Variants in NT5DC3 observed in about 807,000 individuals in gnomAD.
NT5DC3 encodes 5'-nucleotidase domain-containing protein 3.
Under a neutral mutation model 67.8 loss-of-function variants are expected in NT5DC3, and 42 were observed. The ratio of observed to expected loss-of-function variants is 0.62; its 90% CI spans 0.48 to 0.80. The LOEUF is 0.80. Among genes scored for constraint, NT5DC3 ranks in the 30% least tolerant of loss-of-function variants. The pLI, the probability that NT5DC3 is intolerant of heterozygous loss-of-function variation, is 0.00. For missense variants in NT5DC3, 570 were observed against 696.4 expected (o/e 0.82, Z 2.04); for synonymous variants, 237 against 255.6 (o/e 0.93, Z 0.69).
At chr12:103,838,449 T>C (rs748652811) in intron 1 of NT5DC3, among the ~76,000 whole-genome samples, 1 of 152,206 alleles carries the variant, frequency 6.6e-6, no homozygotes, top group Non-Finnish European at 1.5e-5. Flanking sequence ...CAAGCCTATT[T>C]TGACCTCCCA....
At chr12:103,818,795 G>C (rs953362515) in intron 1 of NT5DC3, among the ~76,000 whole-genome samples, 1 of 152,196 alleles carries the variant, frequency 6.6e-6, no homozygotes, top group African/African-American at 2.4e-5. Flanking sequence ...GAAGCTGGCA[G>C]ACCTAAGCTC....
At chr12:103,803,783 T>C (rs1186191639) in intron 4 of NT5DC3, among the ~76,000 whole-genome samples, 1 of 152,102 alleles carries the variant, frequency 6.6e-6, no homozygotes, top group Non-Finnish European at 1.5e-5. Context: ...GCTCCATCCA[T>C]GTTTCACAGC....
In NT5DC3 at chr12:103,772,851, CT is replaced by C. The variant is rs1356625751; in HGVS notation, c.*4977del. ...CAGCAGGGGAAACTCCTCATAAGGG[CT>C]GGAAGTAAATGGCCAGCCAGCAGCA... On this transcript the variant is annotated 3_prime_UTR_variant, in exon 14 of 14. Coordinates refer to ENST00000392876, the MANE Select transcript of NT5DC3 (RefSeq NM_001031701.3). The C allele has an allele frequency of 6.6e-5, 10 of 152,352 alleles. No homozygotes were observed. The highest frequency in any genetic ancestry group is 1.3e-4 in the Non-Finnish European group (9 of 68,234). The allele number at this position is 152,352 out of a possible 1,614,324, so 9.4% of individuals were successfully genotyped here.
chr12:103,817,484 T>C (rs571787608), intron 1 of NT5DC3, among the ~76,000 whole-genome samples: 66 of 152,310 alleles, frequency 4.3e-4, no homozygotes, highest in African/African-American at 1.6e-3. Context: ...AAACCTGAAC[T>C]GTCCATATTT....
At chr12:103,785,701 G>T in intron 11 of NT5DC3, 1 of 563,262 alleles carries the variant, frequency 1.8e-6, no homozygotes, top group Non-Finnish European at 3.3e-6. Flanking sequence ...ATTGCCGTGA[G>T]TCACAACCCC....
chr12:103,781,803 G>C lies in NT5DC3; in HGVS notation c.1330-1439C>G, dbSNP rs1444092513. Among the ~76,000 whole-genome samples the C allele has an allele frequency of 6.6e-5, 10 of 152,150 alleles. 1 individual carries two copies. On this transcript the variant is annotated intron_variant, in intron 12 of 13. Transcript: ENST00000392876. ...CACTCTAGAGTGGGTACTTAACATT[G>C]GAAAAGACTAACCGAAGCCCCACAG...
At chr12:103,779,408 C>G (rs1409182996) in intron 13 of NT5DC3, among the ~76,000 whole-genome samples, 2 of 152,174 alleles carry the variant, frequency 1.3e-5, no homozygotes, top group East Asian at 3.9e-4. Flanking sequence ...AAAATATAAT[C>G]ATTTACACAG....
rs1259761444 is a variant in NT5DC3 at position 103,793,472 on chromosome 12, C to T, written c.855G>A (p.Leu285=). The change falls in exon 8 of 14, where the codon TTG becomes TTA. Residue 285 remains leucine, a synonymous_variant. Transcript: ENST00000392876. ...ICYAEQTRAV[L]AKLADHGKKM... Reference sequence around the variant, plus strand: ...TCTTGCCATGATCAGCCAGTTTGGCCAACACTGCGCGGGTCTGCTCAGCAT... The same window carrying T: ...TCTTGCCATGATCAGCCAGTTTGGCTAACACTGCGCGGGTCTGCTCAGCAT... 2 of 1,614,122 alleles carry T rather than the reference C, an allele frequency of 1.2e-6. No individual in the cohort carries two copies. The highest frequency in any genetic ancestry group is 1.7e-6 in the Non-Finnish European group (2 of 1,179,994).
intron 1 of NT5DC3, chr12:103,821,760 T>C (rs1887500245): frequency 6.6e-6 from 1 of 152,208 alleles, no homozygotes; most frequent in Non-Finnish European, 1.5e-5. Flanking sequence ...CTTCTGACGA[T>C]AAATTTTTAA....
Position 103,841,128 on chromosome 12 carries a change from G to GCCA in NT5DC3, c.26_28dup (p.Val9dup). 1 of 906,036 alleles carries GCCA rather than the reference G, an allele frequency of 1.1e-6. No homozygotes were observed. Among genetic ancestry groups the GCCA allele is most frequent in the Non-Finnish European group, 1.5e-6 (1 of 671,374 alleles). 56.1% of individuals were successfully genotyped at this position (906,036 alleles called of 1,614,324 possible). Reference sequence around the variant, plus strand: ...CGCTGCCCTCGCCCCGGCCCCGCGTGCCACCACCGCCGCCGCTGCCATGGT... The same window carrying GCCA: ...CGCTGCCCTCGCCCCGGCCCCGCGTGCCACCACCACCGCCGCCGCTGCCATGGT... On this transcript the variant is annotated inframe_insertion, in exon 1 of 14. Transcript: ENST00000392876.
intron 6 of NT5DC3, 141 bp downstream of exon 6, chr12:103,796,753 C>G: frequency 1.3e-6 from 1 of 786,904 alleles, no homozygotes; most frequent in Non-Finnish European, 2.0e-6. Context: ...TTGTAATGTT[C>G]AAGGTTAAAC....
intron 4 of NT5DC3, among the ~76,000 whole-genome samples, chr12:103,801,399 T>C (rs1254837325): frequency 8.7e-4 from 104 of 118,862 alleles, no homozygotes; most frequent in Non-Finnish European, 1.6e-3. Context: ...TTTTTTTTTT[T>C]TGAGACGGAG....
In NT5DC3 at chr12:103,806,239, C is replaced by T. The variant is rs1886795759; in HGVS notation, c.524+83G>A. On this transcript the variant is annotated intron_variant, in intron 4 of 13. Coordinates refer to ENST00000392876, the MANE Select transcript of NT5DC3 (RefSeq NM_001031701.3). ...ATCATATTCACACTGCAGCCCTCTT[C>T]ATCATTAAACAGTCAGAGGGTCCTG... The T allele has an allele frequency of 6.0e-6, 5 of 836,836 alleles. No individual in the cohort carries two copies. The Admixed American group carries it at 7.2e-5, about 12-fold the overall frequency. 51.8% of individuals were successfully genotyped at this position (836,836 alleles called of 1,614,324 possible). A position where few individuals can be genotyped will look rare whatever the true frequency, so the allele number is the denominator to read the frequency against.
chr12:103,765,111 A>G, the NT5DC3 span, among the ~76,000 whole-genome samples: 2 of 145,444 alleles, frequency 1.4e-5, no homozygotes, highest in Non-Finnish European at 3.0e-5. Flanking sequence ...AAAAAAAAAA[A>G]GGGAGGTGGT....
rs181270004 is a variant in NT5DC3, at chr12:103,797,608, C to T, written c.616-577G>A. ...CAGAGTCTAATCACCCTTCCCCTCCCAATTTCTCCTGTGCTCACTCCCATT... is the reference window on the plus strand; with the variant it reads ...CAGAGTCTAATCACCCTTCCCCTCCTAATTTCTCCTGTGCTCACTCCCATT... On this transcript the variant is annotated intron_variant, in intron 5 of 13. Coordinates refer to ENST00000392876, the MANE Select transcript of NT5DC3 (RefSeq NM_001031701.3). 1.4e-3 allele frequency among the ~76,000 whole-genome samples: 219 copies of T among 152,254 alleles called. 1 individual carries two copies. The highest frequency in any genetic ancestry group is 4.9e-3 in the African/African-American group (203 of 41,534).
At chr12:103,831,539 A>T (rs1887925311) in intron 1 of NT5DC3, among the ~76,000 whole-genome samples, 1 of 152,150 alleles carries the variant, frequency 6.6e-6, no homozygotes, top group African/African-American at 2.4e-5. Flanking sequence ...CCCCACACAC[A>T]GAAAAAATAT....
chr12:103,777,218 A>C lies in NT5DC3; in HGVS notation c.*611T>G, dbSNP rs1885371512. 6.5e-6 allele frequency: 1 copy of C among 153,006 alleles called. No individual in the cohort carries two copies. The highest frequency in any genetic ancestry group is 2.4e-5 in the African/African-American group (1 of 41,464). The allele number at this position is 153,006 out of a possible 1,614,324, so 9.5% of individuals were successfully genotyped here. The stretch of plus-strand genomic sequence containing the variant: ...GAGGACAAAAGGGTCCAGGAGTTGC[A>C]GCTTCTCTTGTTCTTTCTCACTTAA... On this transcript the variant is annotated 3_prime_UTR_variant, in exon 14 of 14. Transcript: ENST00000392876.
intron 2 of NT5DC3, among the ~76,000 whole-genome samples, chr12:103,813,834 C>CA (rs2139417274): frequency 6.6e-6 from 1 of 152,344 alleles, no homozygotes; most frequent in South Asian, 2.1e-4. Context: ...GTCTATACAA[C>CA]ACTAGCCCAT....
intron 1 of NT5DC3, among the ~76,000 whole-genome samples, chr12:103,815,425 T>G (rs1887209764): frequency 6.6e-6 from 1 of 152,142 alleles, no homozygotes; most frequent in Non-Finnish European, 1.5e-5. Context: ...ATGGTGGTGA[T>G]GGTTTTGGGG....
Sources: gnomAD v4.1 joint callset for allele counts (sites outside exome capture counted in the v4.1 genomes callset) on GRCh38, gnomAD v4.1.1 for gene constraint, MANE v1.5 for transcripts, NCBI Gene and HGNC (gene_info 2026-07-23, HGNC 2026-07-21) for gene names.